Variants in SORCS3 observed in about 807,000 individuals in gnomAD.
The protein encoded by SORCS3 is VPS10 domain-containing receptor SorCS3.
A neutral mutation model predicts 146.3 loss-of-function variants in SORCS3; 57 were observed. That is an observed-to-expected ratio of 0.39 (90% CI 0.31 to 0.49). The LOEUF (loss-of-function observed/expected upper bound fraction) is 0.49, where lower values mean the gene tolerates loss of function less well. Ranked by LOEUF, SORCS3 falls within the 20% of genes least tolerant of loss-of-function variation. SORCS3 has a pLI of 0.92. For missense variants in SORCS3, 1,341 were observed against 1,575.5 expected (o/e 0.85, Z 2.52); for synonymous variants, 653 against 618.5 (o/e 1.06, Z -0.83).
intron 14 of SORCS3, among the ~76,000 whole-genome samples, chr10:105,183,968 T>C (rs2056459606): frequency 6.6e-6 from 1 of 152,226 alleles, no homozygotes; most frequent in Non-Finnish European, 1.5e-5. Flanking sequence ...GTGACTTTAG[T>C]GCCTTGCTTC....
intron 3 of SORCS3, among the ~76,000 whole-genome samples, chr10:104,951,436 G>A (rs1051063423): frequency 1.3e-5 from 2 of 152,118 alleles, no homozygotes; most frequent in Non-Finnish European, 2.9e-5. Context: ...GGGCCCAAGT[G>A]ATCCTTAAGA....
chr10:105,006,103 A>G (rs1478294494), intron 4 of SORCS3, among the ~76,000 whole-genome samples: 1 of 152,056 alleles, frequency 6.6e-6, no homozygotes, highest in Non-Finnish European at 1.5e-5. Context: ...CATCACACCC[A>G]GCTAATTTTT....
At chr10:104,943,265 G>C (rs984094920) in intron 3 of SORCS3, among the ~76,000 whole-genome samples, 1 of 152,056 alleles carries the variant, frequency 6.6e-6, no homozygotes, top group Non-Finnish European at 1.5e-5. Flanking sequence ...GAGTAGCTGG[G>C]AGTACAGGTG....
chr10:104,756,880 T>C (rs776169719), intron 1 of SORCS3, among the ~76,000 whole-genome samples: 5 of 152,136 alleles, frequency 3.3e-5, no homozygotes, highest in Non-Finnish European at 7.4e-5. Flanking sequence ...GTTAGTGATT[T>C]CTGGGACTGA....
rs1216287957 is a variant in SORCS3, at chr10:104,798,019, G to T, written c.628-44773G>T. Among the ~76,000 whole-genome samples, 3 of 152,120 alleles carry T rather than the reference G, an allele frequency of 2.0e-5. No individual in the cohort carries two copies. In the East Asian group the frequency reaches 5.8e-4, roughly 29 times the overall value. On this transcript the variant is annotated intron_variant, in intron 1 of 26. Coordinates refer to ENST00000369701, the MANE Select transcript of SORCS3 (RefSeq NM_014978.3). ...AGTCATCAGGGAAGGTTGGGAGATG[G>T]TGCATAATCCCATAAGGTAATTTCA...
intron 1 of SORCS3, among the ~76,000 whole-genome samples, chr10:104,827,435 C>A (rs778979052): frequency 3.3e-5 from 5 of 152,128 alleles, no homozygotes; most frequent in Non-Finnish European, 7.4e-5. Flanking sequence ...AGACCAGGTG[C>A]ATTGTCAGTA....
chr10:104,698,111 A>T (rs1047610982), intron 1 of SORCS3, among the ~76,000 whole-genome samples: 4 of 152,202 alleles, frequency 2.6e-5, no homozygotes, highest in African/African-American at 7.2e-5. Flanking sequence ...GTCATGGACC[A>T]TGTGAGTTCA....
intron 1 of SORCS3, among the ~76,000 whole-genome samples, chr10:104,777,936 A>G (rs1221745039): frequency 6.6e-6 from 1 of 152,188 alleles, no homozygotes; most frequent in African/African-American, 2.4e-5. Flanking sequence ...ATAGAGGTAG[A>G]GAGTGAAATG....
At chr10:104,688,353 T>TG (rs1367436577) in intron 1 of SORCS3, among the ~76,000 whole-genome samples, 1 of 152,026 alleles carries the variant, frequency 6.6e-6, no homozygotes, top group Non-Finnish European at 1.5e-5. Context: ...AGGCTGCGTG[T>TG]GTGGGGGGGC....
chr10:104,817,109 C>G (rs2017806417), intron 1 of SORCS3, among the ~76,000 whole-genome samples: 1 of 152,152 alleles, frequency 6.6e-6, no homozygotes, highest in Non-Finnish European at 1.5e-5. Flanking sequence ...CTTTCACCAA[C>G]TTGGAAGCGG....
chr10:105,009,527 C>CAAAAAAAAAAAAAAAAAAAA (rs35368294), intron 4 of SORCS3, among the ~76,000 whole-genome samples: 4 of 105,150 alleles, frequency 3.8e-5, no homozygotes, highest in East Asian at 3.4e-4. Flanking sequence ...AACAAACAAA[C>CAAAAAAAAAAAAAAAAAAAA]AAAAAAAAAA....
intron 6 of SORCS3, among the ~76,000 whole-genome samples, chr10:105,099,349 A>G (rs1012857842): frequency 6.6e-6 from 1 of 152,112 alleles, no homozygotes. Context: ...ACAATAGTAT[A>G]TTATTACCCA....
rs138288564 is a variant in SORCS3, at chr10:105,213,811, C to A, written c.2376-631C>A. ...GTGAGATTGAATAGGAGTTTCAAAT[C>A]TGTGCTTCTAATCTGGAGTTTATGC... On this transcript the variant is annotated intron_variant, in intron 17 of 26. Transcript: ENST00000369701. 2.3e-4 allele frequency among the ~76,000 whole-genome samples: 35 copies of A among 152,148 alleles called. 1 individual carries two copies. Among genetic ancestry groups the A allele is most frequent in the African/African-American group, 8.4e-4 (35 of 41,510 alleles).
intron 14 of SORCS3, among the ~76,000 whole-genome samples, chr10:105,194,551 C>T (rs1390953806): frequency 6.6e-6 from 1 of 152,148 alleles, no homozygotes; most frequent in African/African-American, 2.4e-5. Flanking sequence ...TTTGGCCATA[C>T]TAAGAATTCG....
chr10:104,914,288 A>G (rs34114595), intron 2 of SORCS3, among the ~76,000 whole-genome samples: 15,368 of 152,228 alleles, frequency 0.1, 862 homozygotes, highest in South Asian at 0.25. Flanking sequence ...ATCAATCATG[A>G]CACTATTGAA....
intron 1 of SORCS3, among the ~76,000 whole-genome samples, chr10:104,797,160 C>T (rs983165448): frequency 2.3e-4 from 35 of 152,030 alleles, no homozygotes; most frequent in Admixed American, 9.2e-4. Flanking sequence ...CCATTTTTTT[C>T]CTCCTTGGTT....
At chr10:104,840,424 G>A (rs1421580285) in intron 1 of SORCS3, among the ~76,000 whole-genome samples, 1 of 152,012 alleles carries the variant, frequency 6.6e-6, no homozygotes, top group Non-Finnish European at 1.5e-5. Flanking sequence ...AACATTCCCC[G>A]GTTTTCCCTG....
chr10:104,703,452 G>T (rs2016303019), intron 1 of SORCS3, among the ~76,000 whole-genome samples: 2 of 152,050 alleles, frequency 1.3e-5, no homozygotes, highest in Admixed American at 6.6e-5. Flanking sequence ...GTTTTGATTT[G>T]CATTTCTCTG....
chr10:104,735,815 C>T (rs757020403), intron 1 of SORCS3, among the ~76,000 whole-genome samples: 5 of 152,062 alleles, frequency 3.3e-5, no homozygotes, highest in Non-Finnish European at 5.9e-5. Context: ...TTCTTGGAAC[C>T]GGTTCTGATT....
Sources: gnomAD v4.1 joint callset for allele counts (sites outside exome capture counted in the v4.1 genomes callset) on GRCh38, gnomAD v4.1.1 for gene constraint, MANE v1.5 for transcripts, NCBI Gene and HGNC (gene_info 2026-07-23, HGNC 2026-07-21) for gene names.